Variants in KALRN observed in about 807,000 individuals in gnomAD.
KALRN encodes the protein kalirin RhoGEF kinase.
A neutral mutation model predicts 353.7 loss-of-function variants in KALRN; 70 were observed. The observed-to-expected ratio is 0.20, with a 90% CI of 0.16 to 0.24. The LOEUF (loss-of-function observed/expected upper bound fraction) is 0.24, where lower values mean the gene tolerates loss of function less well. KALRN is among the 10% of genes least tolerant of loss of function. The probability of loss-of-function intolerance (pLI) is 1.00; values close to 1 mark genes in which losing one functional copy is unlikely to be tolerated. For missense variants in KALRN, 2,791 were observed against 3,756.7 expected, an observed-to-expected ratio of 0.74 and a Z score of 6.72; for synonymous variants, 1,391 against 1,434.8, an observed-to-expected ratio of 0.97 and a Z score of 0.69.
intron 25 of KALRN, among the ~76,000 whole-genome samples, chr3:124,466,640 T>C (rs1407599572): frequency 6.6e-6 from 1 of 152,194 alleles, no homozygotes; most frequent in East Asian, 1.9e-4. Context: ...AAATCTCTAC[T>C]CCCAGCGCTC....
At chr3:124,340,231 A>G (rs1288495893) in intron 9 of KALRN, among the ~76,000 whole-genome samples, 1 of 152,132 alleles carries the variant, frequency 6.6e-6, no homozygotes, top group East Asian at 1.9e-4. Context: ...GTTTAAGAAG[A>G]GGTTCTGGGA....
chr3:124,367,434 C>T (rs867342540), intron 10 of KALRN, among the ~76,000 whole-genome samples: 9,081 of 43,070 alleles, frequency 0.21, 1,675 homozygotes, highest in Middle Eastern at 0.4. Context: ...ACCTCCCTCC[C>T]GGACGGGGCG....
At chr3:124,316,104 G>A (rs1039797916) in intron 6 of KALRN, among the ~76,000 whole-genome samples, 1 of 152,084 alleles carries the variant, frequency 6.6e-6, no homozygotes, top group African/African-American at 2.4e-5. Flanking sequence ...CCAGAGGCCC[G>A]GAAATGAGGA....
intron 1 of KALRN, among the ~76,000 whole-genome samples, chr3:124,083,630 G>A (rs1031469393): frequency 2.6e-5 from 4 of 152,158 alleles, no homozygotes; most frequent in Non-Finnish European, 5.9e-5. Context: ...TACAGAAAAC[G>A]GAGGCACAAA....
chr3:124,238,125 A>ACAT (rs2080009937), intron 3 of KALRN, among the ~76,000 whole-genome samples: 2 of 152,316 alleles, frequency 1.3e-5, no homozygotes, highest in African/African-American at 4.8e-5. Flanking sequence ...TTTAAGAACT[A>ACAT]CATAGATCAG....
chr3:124,064,104 A>G (rs1486410936), intron 1 of KALRN, among the ~76,000 whole-genome samples: 1 of 152,206 alleles, frequency 6.6e-6, no homozygotes, highest in African/African-American at 2.4e-5. Context: ...GGATACAGAA[A>G]TAAGTAAGAT....
chr3:124,338,955 A>T (rs2149491680), intron 9 of KALRN, among the ~76,000 whole-genome samples: 1 of 152,356 alleles, frequency 6.6e-6, no homozygotes, highest in African/African-American at 2.4e-5. Context: ...CCCCTGCATT[A>T]AAATCATCTG....
At chr3:124,623,514 C>T (rs2079565181) in intron 34 of KALRN, among the ~76,000 whole-genome samples, 1 of 151,778 alleles carries the variant, frequency 6.6e-6, no homozygotes, top group Non-Finnish European at 1.5e-5. Context: ...AGTCCAAGTC[C>T]CAAAACTGAA....
rs770637844 is a variant in KALRN, at chr3:124,632,584, G to A, written c.5347G>A (p.Gly1783Arg). Residue 1783 changes from glycine (G) to arginine (R), a missense_variant, in exon 35 of 60, where the codon GGG becomes AGG. Gly to Arg is a moderately radical substitution (Grantham distance 125). Coordinates refer to ENST00000682506, the MANE Select transcript of KALRN (RefSeq NM_001388419.1). ...LTSPVRRLNSGKADGNIKKQK... is the reference protein window; with the variant it reads ...LTSPVRRLNSRKADGNIKKQK... The stretch of plus-strand genomic sequence containing the variant: ...GAGTCCTGTGCGTCGGCTTAACAGC[G>A]GGAAGGCAGATGGAAACATCAAAAA... 1.4e-5 allele frequency: 23 copies of A among 1,614,002 alleles called. No homozygotes were observed. Among genetic ancestry groups the A allele is most frequent in the Admixed American group, 5.0e-5 (3 of 60,004 alleles).
At chr3:124,482,638 T>C (rs1227636664) in intron 27 of KALRN, among the ~76,000 whole-genome samples, 170 bp from the exon 28 acceptor site, 10 of 152,188 alleles carry the variant, frequency 6.6e-5, no homozygotes, top group Admixed American at 6.5e-4. Flanking sequence ...CATCTTGGTC[T>C]CTTTTGTTTC....
intron 33 of KALRN, among the ~76,000 whole-genome samples, chr3:124,537,691 C>G (rs2068647524): frequency 6.6e-6 from 1 of 152,186 alleles, no homozygotes; most frequent in South Asian, 2.1e-4. Flanking sequence ...TTGGCTCTGT[C>G]TGAGAATCAG....
chr3:124,581,100 C>G (rs114344140), intron 34 of KALRN, among the ~76,000 whole-genome samples: 5 of 151,964 alleles, frequency 3.3e-5, no homozygotes, highest in African/African-American at 1.2e-4. Flanking sequence ...TCCATGATGG[C>G]CAAAAATGTG....
At chr3:124,339,820 A>T (rs2081505446) in intron 9 of KALRN, among the ~76,000 whole-genome samples, 1 of 152,202 alleles carries the variant, frequency 6.6e-6, no homozygotes, top group African/African-American at 2.4e-5. Flanking sequence ...TACCTAAAAC[A>T]TCAAGCATCT....
chr3:124,360,807 G>A (rs1221459904), intron 10 of KALRN, among the ~76,000 whole-genome samples: 1 of 152,194 alleles, frequency 6.6e-6, no homozygotes. Flanking sequence ...TGGGCCTCAG[G>A]AATGTGCTTG....
chr3:124,426,311 C>T (rs530311897), intron 15 of KALRN, among the ~76,000 whole-genome samples: 1 of 152,076 alleles, frequency 6.6e-6, no homozygotes, highest in Admixed American at 6.5e-5. Context: ...TAAATTTAGA[C>T]AGTAGCTTGA....
intron 34 of KALRN, among the ~76,000 whole-genome samples, chr3:124,602,939 G>GTTTTTTGTT (rs76637176): frequency 5.3e-5 from 2 of 37,542 alleles, no homozygotes; most frequent in African/African-American, 3.0e-4. Context: ...CAGTTTTCGT[G>GTTTTTTGTT]GTTTTTTTTT....
chr3:124,278,169 G>T (rs2074967912), intron 5 of KALRN, among the ~76,000 whole-genome samples: 1 of 151,688 alleles, frequency 6.6e-6, no homozygotes, highest in South Asian at 2.1e-4. Flanking sequence ...GTAGGGCAGT[G>T]CAGGGAAAAT....
At chr3:124,669,027 T>G (rs2086032883) in intron 47 of KALRN, among the ~76,000 whole-genome samples, 1 of 152,226 alleles carries the variant, frequency 6.6e-6, no homozygotes. Flanking sequence ...TATTGAATCC[T>G]TGCTCTGTGC....
chr3:124,424,243 C>A (rs59202160), intron 15 of KALRN, among the ~76,000 whole-genome samples: 20,526 of 152,086 alleles, frequency 0.13, 3,015 homozygotes, highest in African/African-American at 0.35. Flanking sequence ...AAGCAAAAAA[C>A]CATCTTTCTT....
Sources: allele counts gnomAD v4.1 joint callset (sites outside exome capture counted in the v4.1 genomes callset), GRCh38; gene constraint gnomAD v4.1.1; transcripts MANE v1.5; gene names NCBI Gene and HGNC (gene_info 2026-07-23, HGNC 2026-07-21).